WNK2: variants seen among roughly 807,000 people sequenced by gnomAD.
WNK2 encodes WNK lysine deficient protein kinase 2.
In WNK2, 67 loss-of-function variants were observed where a neutral mutation model predicts 192.1. The observed-to-expected ratio is 0.35, with a 90% CI of 0.29 to 0.43. The LOEUF is 0.43. Ranked by LOEUF, WNK2 falls within the 20% of genes least tolerant of loss-of-function variation. WNK2 has a pLI of 1.00. For missense variants in WNK2, 2,698 were observed against 3,089.7 expected (o/e 0.87, Z 3.01); for synonymous variants, 1,439 against 1,393.9 (o/e 1.03, Z -0.72).
chr9:93,256,235 C>T, intron 9 of WNK2, 64 bp from the exon 10 acceptor site: 1 of 1,422,810 alleles, frequency 7.0e-7, no homozygotes, highest in African/African-American at 1.4e-5. Context: ...TACCCTGCCC[C>T]TGCCCAGGAG....
intron 19 of WNK2, chr9:93,269,052 C>T (rs1282201687): frequency 1.9e-6 from 2 of 1,034,874 alleles, no homozygotes; most frequent in Non-Finnish European, 1.4e-6. Context: ...GTTAACCTGG[C>T]AACTCCTTGC....
At chr9:93,199,707 G>T (rs1387032310) in intron 2 of WNK2, among the ~76,000 whole-genome samples, 1 of 151,952 alleles carries the variant, frequency 6.6e-6, no homozygotes, top group Non-Finnish European at 1.5e-5. Flanking sequence ...GACCATCCTG[G>T]CTAACTCGGT....
At position 93,259,290 on chromosome 9, in the gene WNK2, G is replaced by A. The variant is rs554329600; in HGVS notation, c.2742G>A (p.Ala914=). The A allele has an allele frequency of 1.4e-4, 222 of 1,613,548 alleles. No homozygotes were observed. Among genetic ancestry groups the A allele is most frequent in the Non-Finnish European group, 1.7e-4 (200 of 1,179,774 alleles). The change falls in exon 12 of 30, where the codon GCG becomes GCA. Residue 914 remains alanine (A), a synonymous_variant. Coordinates refer to ENST00000427277, the MANE Select transcript of WNK2 (RefSeq NM_006648.4). This position sits in a 1 kb window ranked among gnomAD's most constrained non-coding sequence, Gnocchi z 4.8. The part of the protein sequence containing the change: ...AQLPGQPVYP[A]AFPQMAPTDV... ...TCCCAGGCCAACCTGTGTACCCAGC[G>A]GCCTTCCCACAGATGGCGCCTACTG...
chr9:93,314,809 T>G (rs953881384), intron 28 of WNK2, among the ~76,000 whole-genome samples: 1 of 152,170 alleles, frequency 6.6e-6, no homozygotes, highest in African/African-American at 2.4e-5. Flanking sequence ...ATGGAAACTC[T>G]TGCAAAATCA....
In WNK2 at chr9:93,289,631, G is replaced by T; in HGVS notation, c.4866+11G>T. On this transcript the variant is annotated intron_variant, in intron 20 of 29. Coordinates refer to ENST00000427277, the MANE Select transcript of WNK2 (RefSeq NM_006648.4). ...CTGCCCCAGCCCTTGGTGAGTAGCT[G>T]CCTTGTCCCAGAGACACTGCCCTGG... 1 of 1,453,942 alleles carries T rather than the reference G, an allele frequency of 6.9e-7. No individual in the cohort carries two copies. Among genetic ancestry groups the T allele is most frequent in the South Asian group, 1.4e-5 (1 of 69,410 alleles). 90.1% of individuals were successfully genotyped at this position (1,453,942 alleles called of 1,614,324 possible).
intron 18 of WNK2, 90 bp downstream of exon 18, chr9:93,268,155 G>A (rs1216852376): frequency 4.6e-6 from 7 of 1,513,294 alleles, no homozygotes; most frequent in African/African-American, 4.1e-5. Context: ...CCATTGCTTG[G>A]GGGGATTATG....
intron 9 of WNK2, among the ~76,000 whole-genome samples, chr9:93,253,283 G>C (rs1184167616): frequency 6.6e-6 from 1 of 151,984 alleles, no homozygotes; most frequent in East Asian, 1.9e-4. Flanking sequence ...CCCCGTCCTT[G>C]CTGTCAGCTG....
Position 93,319,899 on chromosome 9 carries a change from G to A in WNK2, c.6629-468G>A, listed in dbSNP as rs571618653. On this transcript the variant is annotated intron_variant, in intron 29 of 29. Coordinates refer to ENST00000427277, the MANE Select transcript of WNK2 (RefSeq NM_006648.4). ...TCGAGCTGACTGTGGTCCCTCCTGC[G>A]TGTGCATTGCAGGCCTCACTGTGAG... Among the ~76,000 whole-genome samples, 26 of 152,308 alleles carry A rather than the reference G, an allele frequency of 1.7e-4. No homozygotes were observed. In the East Asian group the frequency reaches 3.7e-3, roughly 21 times the overall value.
intron 29 of WNK2, chr9:93,318,475 G>T (rs377181211): frequency 1.9e-6 from 3 of 1,614,016 alleles, no homozygotes; most frequent in Non-Finnish European, 2.5e-6. Context: ...GGGAATGTCA[G>T]TTGTTGCGCT....
chr9:93,299,255 G>A lies in WNK2; in HGVS notation c.6109G>A (p.Gly2037Ser), dbSNP rs1289681523. ...GLASDGGGAR[G>S]QGWTVYHPTS... ...AGCCAGTGATGGAGGCGGAGCGCGTGGCCAAGGTGATTTCCAGCTTGCCTG... is the reference window on the plus strand; with the variant it reads ...AGCCAGTGATGGAGGCGGAGCGCGTAGCCAAGGTGATTTCCAGCTTGCCTG... The change falls in exon 25 of 30, where the codon GGC becomes AGC. Residue 2037 changes from glycine to serine, a missense_variant. By Grantham distance (56) the Gly-to-Ser change is moderately conservative (BLOSUM62 0). Around this residue, in one of 7 missense-constraint regions of WNK2, gnomAD observed 1,098 missense variants for 1,101.0 expected, o/e 1.00. Transcript: ENST00000427277. 1 of 1,563,628 alleles carries A rather than the reference G, an allele frequency of 6.4e-7. No homozygotes were observed. The highest frequency in any genetic ancestry group is 8.7e-7 in the Non-Finnish European group (1 of 1,148,768).
chr9:93,239,738 T>C lies in WNK2; in HGVS notation c.1323-19T>C. 1 of 1,541,212 alleles carries C rather than the reference T, an allele frequency of 6.5e-7. No homozygotes were observed. Among genetic ancestry groups the C allele is most frequent in the Non-Finnish European group, 8.8e-7 (1 of 1,139,568 alleles). On this transcript the variant is annotated intron_variant, in intron 6 of 29. Coordinates refer to ENST00000427277, the MANE Select transcript of WNK2 (RefSeq NM_006648.4). This position sits in a 1 kb window ranked among gnomAD's most constrained non-coding sequence, Gnocchi z 4.2. ...GCCCTGGCGCCCGTGCCCCTGCCTG[T>C]CAGCTGCTCTCCCTCCAGGTACGAG...
rs749330085 is a variant in WNK2, at chr9:93,292,416, C to T, written c.5025+20C>T. On this transcript the variant is annotated intron_variant, in intron 22 of 29. Coordinates refer to ENST00000427277, the MANE Select transcript of WNK2 (RefSeq NM_006648.4). ...CCCCAGGTAAGGGCGACTTGACGAC[C>T]CCCTGGCTGGTTGGCAGGGTTTGCT... is the stretch of plus-strand genomic sequence containing the variant. The T allele has an allele frequency of 2.5e-6, 4 of 1,613,704 alleles. No individual in the cohort carries two copies. Among genetic ancestry groups the T allele is most frequent in the Admixed American group, 1.7e-5 (1 of 59,994 alleles).
rs918304108 is a variant in WNK2, at chr9:93,250,352, C to T, written c.1834+2518C>T. Among the ~76,000 whole-genome samples, 3 of 152,362 alleles carry T rather than the reference C, an allele frequency of 2.0e-5. No homozygotes were observed. In the South Asian group the frequency reaches 6.2e-4, roughly 32 times the overall value. Reference sequence around the variant, plus strand: ...CCACAAATGTGAACACATTCACCTGCACACATACATGCACACATGTCTGCA... The same window carrying T: ...CCACAAATGTGAACACATTCACCTGTACACATACATGCACACATGTCTGCA... On this transcript the variant is annotated intron_variant, in intron 8 of 29. Coordinates refer to ENST00000427277, the MANE Select transcript of WNK2 (RefSeq NM_006648.4).
chr9:93,188,131 C>T (rs1235378519), intron 2 of WNK2, among the ~76,000 whole-genome samples: 1 of 152,166 alleles, frequency 6.6e-6, no homozygotes, highest in Non-Finnish European at 1.5e-5. Flanking sequence ...CAGCCAGGAG[C>T]CCTTCTTGGA....
At chr9:93,269,054 A>G (rs1223336208) in intron 19 of WNK2, 1 of 1,031,106 alleles carries the variant, frequency 9.7e-7, no homozygotes, top group Non-Finnish European at 1.4e-6. Flanking sequence ...TAACCTGGCA[A>G]CTCCTTGCTC....
At chr9:93,226,146 C>A (rs892263337) in intron 2 of WNK2, among the ~76,000 whole-genome samples, 1 of 152,260 alleles carries the variant, frequency 6.6e-6, no homozygotes, top group African/African-American at 2.4e-5. Flanking sequence ...TCTGGTGAGA[C>A]TCACCGCCCA....
intron 2 of WNK2, among the ~76,000 whole-genome samples, chr9:93,193,173 C>T (rs1168844999): frequency 1.3e-5 from 2 of 152,154 alleles, no homozygotes; most frequent in African/African-American, 2.4e-5. Context: ...AAGGACGTCG[C>T]CCCAAAGGTC....
chr9:93,299,039 C>T (rs772641248), intron 24 of WNK2, 31 bp from the exon 25 acceptor site: 22 of 1,594,282 alleles, frequency 1.4e-5, no homozygotes, highest in Admixed American at 3.4e-5. Context: ...GGCGCCTCAT[C>T]GTGCCTGTCG....
Position 93,185,073 on chromosome 9 carries a change from G to A in WNK2, c.144G>A (p.Glu48=). The A allele has an allele frequency of 7.6e-7, 1 of 1,314,906 alleles. No homozygotes were observed. The highest frequency in any genetic ancestry group is 9.7e-7 in the Non-Finnish European group (1 of 1,029,858). 81.5% of individuals were successfully genotyped at this position (1,314,906 alleles called of 1,614,324 possible). ...PQRFLRRSVV[E]SDQEEPPGLE... The stretch of plus-strand genomic sequence containing the variant: ...GCTTTCTGCGGCGCAGCGTGGTAGA[G>A]TCGGACCAGGAGGAGCCGCCGGGCT... The change falls in exon 2 of 30, where the codon GAG becomes GAA. Residue 48 remains glutamate, a synonymous_variant. Transcript: ENST00000427277.
Sources: allele counts gnomAD v4.1 joint callset (sites outside exome capture counted in the v4.1 genomes callset), GRCh38; gene constraint gnomAD v4.1.1; regional missense constraint gnomAD v4.1.1; non-coding constraint Gnocchi (gnomAD v3.1); transcripts MANE v1.5; gene names NCBI Gene and HGNC (gene_info 2026-07-23, HGNC 2026-07-21).